Variants in ARHGAP15 observed in about 807,000 individuals in gnomAD.
ARHGAP15 encodes the protein Rho GTPase activating protein 15.
Under a neutral mutation model 63.7 loss-of-function variants are expected in ARHGAP15, and 51 were observed. The observed-to-expected ratio is 0.80, with a 90% CI of 0.64 to 1.01. The LOEUF (loss-of-function observed/expected upper bound fraction) is 1.01, where lower values mean the gene tolerates loss of function less well. ARHGAP15 is among the 50% of genes least tolerant of loss of function. ARHGAP15 has a pLI of 0.00. For synonymous variants in ARHGAP15, 191 were observed against 193.8 expected, an observed-to-expected ratio of 0.99 and a Z score of 0.12; for missense variants, 560 against 564.6, an observed-to-expected ratio of 0.99 and a Z score of 0.08.
At chr2:143,156,372 T>C (rs937434545) in intron 2 of ARHGAP15, among the ~76,000 whole-genome samples, 6 of 151,894 alleles carry the variant, frequency 4.0e-5, no homozygotes, top group African/African-American at 1.4e-4. Context: ...TGTTACAAAA[T>C]TATTTATGCA....
Position 143,272,916 on chromosome 2 carries a change from A to G in ARHGAP15, c.474+22316A>G, listed in dbSNP as rs185103709. ...GTTTTAAATTTAAATTTAACTCTAT[A>G]TGATGGAATTTTTTTTTATTTTTGG... On this transcript the variant is annotated intron_variant, in intron 6 of 13. Coordinates refer to ENST00000295095, the MANE Select transcript of ARHGAP15 (RefSeq NM_018460.4). 1.6e-3 allele frequency among the ~76,000 whole-genome samples: 245 copies of G among 152,270 alleles called. 1 individual carries two copies. Among genetic ancestry groups the G allele is most frequent in the Non-Finnish European group, 3.1e-3 (208 of 68,008 alleles).
intron 8 of ARHGAP15, among the ~76,000 whole-genome samples, chr2:143,481,848 C>T (rs972285963): frequency 6.6e-6 from 1 of 152,124 alleles, no homozygotes; most frequent in African/African-American, 2.4e-5. Context: ...TCTTAGAAAG[C>T]CCAGAATTCT....
intron 9 of ARHGAP15, among the ~76,000 whole-genome samples, 186 bp downstream of exon 9, chr2:143,487,681 A>AG (rs1692389305): frequency 6.6e-6 from 1 of 152,208 alleles, no homozygotes; most frequent in Non-Finnish European, 1.5e-5. Flanking sequence ...AAAATAAAGG[A>AG]GGTATCATGG....
chr2:143,210,671 T>A (rs1180286513), intron 3 of ARHGAP15, among the ~76,000 whole-genome samples: 1 of 152,116 alleles, frequency 6.6e-6, no homozygotes, highest in Non-Finnish European at 1.5e-5. Flanking sequence ...CTCAACAAAC[T>A]TATTAAAGAA....
In ARHGAP15 at chr2:143,336,941, A is replaced by AC. The variant is rs1380239085; in HGVS notation, c.474+86343dup. Among the ~76,000 whole-genome samples, 9 of 152,246 alleles carry AC rather than the reference A, an allele frequency of 5.9e-5. No homozygotes were observed. The South Asian group carries it at 1.2e-3, about 21-fold the overall frequency. ...GGTGATCATGGATAAGATTCCTATC[A>AC]CCAAGGAGTTTACAGGCTGTAAGGA... On this transcript the variant is annotated intron_variant, in intron 6 of 13. Coordinates refer to ENST00000295095, the MANE Select transcript of ARHGAP15 (RefSeq NM_018460.4).
At chr2:143,749,715 ATATT>A (rs1159826251) in intron 13 of ARHGAP15, among the ~76,000 whole-genome samples, 2 of 152,044 alleles carry the variant, frequency 1.3e-5, no homozygotes, top group East Asian at 3.8e-4. Context: ...ATAACACATT[ATATT>A]TATATGTTTT....
chr2:143,305,871 TAAATA>T (rs1683145625), intron 6 of ARHGAP15, among the ~76,000 whole-genome samples: 1 of 152,092 alleles, frequency 6.6e-6, no homozygotes, highest in Non-Finnish European at 1.5e-5. Flanking sequence ...TTAAAATATA[TAAATA>T]AAATTTAGTG....
At chr2:143,470,829 C>G (rs184114755) in intron 8 of ARHGAP15, among the ~76,000 whole-genome samples, 2 of 148,566 alleles carry the variant, frequency 1.3e-5, no homozygotes, top group Non-Finnish European at 3.0e-5. Context: ...CAAACAGTTT[C>G]GCATATATAT....
At chr2:143,661,699 A>G (rs988696956) in intron 12 of ARHGAP15, among the ~76,000 whole-genome samples, 1 of 152,302 alleles carries the variant, frequency 6.6e-6, no homozygotes, top group South Asian at 2.1e-4. Context: ...GACAGTGGGC[A>G]CAGGTCAGTG....
At chr2:143,425,686 T>C (rs1386871003) in intron 6 of ARHGAP15, among the ~76,000 whole-genome samples, 1 of 152,080 alleles carries the variant, frequency 6.6e-6, no homozygotes, top group African/African-American at 2.4e-5. Flanking sequence ...ATTTTCAATT[T>C]ATTTAAGCCT....
chr2:143,165,966 G>GAAAGA (rs1322559476), intron 2 of ARHGAP15, among the ~76,000 whole-genome samples: 3 of 110,892 alleles, frequency 2.7e-5, no homozygotes, highest in Non-Finnish European at 5.6e-5. Context: ...AAGAGAGAAA[G>GAAAGA]AAAGAAAGAA....
At chr2:143,318,123 C>T (rs1286248418) in intron 6 of ARHGAP15, among the ~76,000 whole-genome samples, 1 of 151,808 alleles carries the variant, frequency 6.6e-6, no homozygotes, top group East Asian at 1.9e-4. Context: ...CCCAGCCTCT[C>T]GAGTAGCTGG....
intron 3 of ARHGAP15, among the ~76,000 whole-genome samples, chr2:143,202,621 A>G (rs1194711053): frequency 6.6e-6 from 1 of 152,146 alleles, no homozygotes; most frequent in African/African-American, 2.4e-5. Context: ...CCTAATTGTA[A>G]AAGCAATACG....
At chr2:143,511,402 G>A (rs1038388293) in intron 9 of ARHGAP15, among the ~76,000 whole-genome samples, 6 of 152,174 alleles carry the variant, frequency 3.9e-5, no homozygotes, top group African/African-American at 1.4e-4. Context: ...AAGGTCACAG[G>A]AGTTTGCAGA....
Position 143,579,879 on chromosome 2 carries a change from A to T in ARHGAP15, c.1003+23394A>T, listed in dbSNP as rs537786021. ...ACTGAAACATTTGTTTTATTTTTTT[A>T]TTTTTATTTTTATTTATTTATTTAA... On this transcript the variant is annotated intron_variant, in intron 11 of 13. Coordinates refer to ENST00000295095, the MANE Select transcript of ARHGAP15 (RefSeq NM_018460.4). Among the ~76,000 whole-genome samples the T allele has an allele frequency of 1.3e-4, 20 of 150,066 alleles. No homozygotes were observed. In the East Asian group the frequency reaches 3.3e-3, roughly 25 times the overall value.
intron 11 of ARHGAP15, among the ~76,000 whole-genome samples, chr2:143,603,105 T>C (rs996666897): frequency 6.6e-6 from 1 of 152,198 alleles, no homozygotes. Context: ...TTTGCCTGCC[T>C]GGCTGCTATA....
At chr2:143,568,304 G>T (rs1044900937) in intron 11 of ARHGAP15, among the ~76,000 whole-genome samples, 5 of 151,988 alleles carry the variant, frequency 3.3e-5, no homozygotes, top group African/African-American at 1.2e-4. Flanking sequence ...AATCTACAAA[G>T]AACTTAAACA....
At chr2:143,569,518 G>A (rs754384771) in intron 11 of ARHGAP15, among the ~76,000 whole-genome samples, 2 of 152,120 alleles carry the variant, frequency 1.3e-5, no homozygotes, top group Non-Finnish European at 2.9e-5. Context: ...TGGGGGGAGT[G>A]CAAAGCAGGG....
intron 12 of ARHGAP15, among the ~76,000 whole-genome samples, chr2:143,660,047 A>C (rs1182221142): frequency 5.3e-5 from 8 of 152,200 alleles, no homozygotes. Flanking sequence ...GTTCCAAAAT[A>C]CAACAGATGT....
Sources: allele counts gnomAD v4.1 joint callset (sites outside exome capture counted in the v4.1 genomes callset), GRCh38; gene constraint gnomAD v4.1.1; transcripts MANE v1.5; gene names NCBI Gene and HGNC (gene_info 2026-07-23, HGNC 2026-07-21).